RPS6KA2: variants seen among roughly 807,000 people sequenced by gnomAD.
RPS6KA2 encodes the protein ribosomal protein S6 kinase alpha-2.
In RPS6KA2, 42 loss-of-function variants were observed where a neutral mutation model predicts 91.8. That is an observed-to-expected ratio of 0.46 (90% CI 0.36 to 0.59). RPS6KA2 has a LOEUF of 0.59. RPS6KA2 is among the 20% of genes least tolerant of loss of function. The pLI is 0.00. For synonymous variants in RPS6KA2, 414 were observed against 393.6 expected (o/e 1.05, Z -0.61); for missense variants, 798 against 978.5 (o/e 0.82, Z 2.46).
rs532926952 is a variant in RPS6KA2, at chr6:166,554,592, C to T, written c.100-15808G>A. On this transcript the variant is annotated intron_variant, in intron 1 of 20. Transcript: ENST00000265678. The surrounding 1 kb of genome is among the most constrained non-coding windows in gnomAD (Gnocchi z 4.3). ...AGGTCTGATGCGATGTGAGAACTCGCGGCTGGCACGCGGGTGGCCATGGGG... is the reference window on the plus strand; with the variant it reads ...AGGTCTGATGCGATGTGAGAACTCGTGGCTGGCACGCGGGTGGCCATGGGG... Among the ~76,000 whole-genome samples the T allele has an allele frequency of 6.4e-4, 97 of 152,320 alleles. No individual in the cohort carries two copies. The highest frequency in any genetic ancestry group is 2.0e-3 in the African/African-American group (84 of 41,578).
rs1478639100 is a variant in RPS6KA2, at chr6:166,767,781, ACACACACACACAC to A, written c.123+90406_123+90418del. On this transcript the variant is annotated intron_variant, in intron 2 of 21. Coordinates refer to the RPS6KA2 transcript ENST00000503859. The surrounding 1 kb of genome is among the most constrained non-coding windows in gnomAD (Gnocchi z 4.6). ...AAAGACAATACCTCCTCAAACACAC[ACACACACACACAC>A]ACACACACACACACACACACACCCT... 2.7e-4 allele frequency among the ~76,000 whole-genome samples: 17 copies of A among 62,122 alleles called. No individual in the cohort carries two copies. The highest frequency in any genetic ancestry group is 1.3e-3 in the African/African-American group (16 of 11,980). The allele number at this position is 62,122 out of a possible 152,430, so 40.8% of individuals were successfully genotyped here.
At chr6:166,628,607 T>C (rs1786981184), upstream of RPS6KA2, among the ~76,000 whole-genome samples, 1 of 152,258 alleles carries the variant, frequency 6.6e-6, no homozygotes, top group African/African-American at 2.4e-5. Context: ...TCTCTGGGTT[T>C]CCTGGAGACC....
At chr6:166,614,105 T>C (rs77234156) in intron 1 of RPS6KA2, among the ~76,000 whole-genome samples, 2,135 of 152,334 alleles carry the variant, frequency 0.014, 47 homozygotes, top group East Asian at 0.074. Flanking sequence ...ACCTCTTTCA[T>C]TCAGCCCTGC....
chr6:166,764,173 T>A (rs1778244866), intron 2 of RPS6KA2, among the ~76,000 whole-genome samples: 1 of 150,980 alleles, frequency 6.6e-6, no homozygotes, highest in African/African-American at 2.4e-5. Context: ...AGTGAGAGGG[T>A]GAGAGAAATG....
intron 2 of RPS6KA2, among the ~76,000 whole-genome samples, chr6:166,719,040 T>G (rs9295366): frequency 0.56 from 85,555 of 152,178 alleles, 27,268 homozygotes; most frequent in South Asian, 0.82. Flanking sequence ...TTTCTCTACA[T>G]GTACAGGTAG....
At chr6:166,562,277 C>T (rs1309079184) in intron 1 of RPS6KA2, among the ~76,000 whole-genome samples, 1 of 152,186 alleles carries the variant, frequency 6.6e-6, no homozygotes, top group African/African-American at 2.4e-5. Flanking sequence ...GGCGTGATCA[C>T]AGTACCTACC....
chr6:166,751,152 A>G (rs1178603606), intron 2 of RPS6KA2, among the ~76,000 whole-genome samples: 1 of 152,150 alleles, frequency 6.6e-6, no homozygotes, highest in Non-Finnish European at 1.5e-5. Context: ...ATCTTACAGC[A>G]TTACTTCCCC....
chr6:166,574,162 C>A (rs1369180072), intron 1 of RPS6KA2, among the ~76,000 whole-genome samples: 1 of 152,158 alleles, frequency 6.6e-6, no homozygotes, highest in East Asian at 1.9e-4. Flanking sequence ...TTTTTAAATT[C>A]TTTAAAAAAA....
intron 2 of RPS6KA2, among the ~76,000 whole-genome samples, chr6:166,771,900 T>C (rs1778481539): frequency 6.6e-6 from 1 of 152,162 alleles, no homozygotes. Context: ...CCAGCGATTC[T>C]TCCCTGAGAG....
At chr6:166,598,833 C>T (rs1269187369) in intron 1 of RPS6KA2, among the ~76,000 whole-genome samples, 1 of 152,228 alleles carries the variant, frequency 6.6e-6, no homozygotes, top group African/African-American at 2.4e-5. Flanking sequence ...TCCCTTCTTT[C>T]CTGCCTCCAT....
At chr6:166,836,771 TTCGAATTGTTAA>T (rs570902020) in intron 2 of RPS6KA2, among the ~76,000 whole-genome samples, 1 of 152,194 alleles carries the variant, frequency 6.6e-6, no homozygotes, top group Non-Finnish European at 1.5e-5. Context: ...GGTATGTGTC[TTCGAATTGTTAA>T]TCAAATACTG....
chr6:166,511,050 T>A (rs1281286214), intron 3 of RPS6KA2, among the ~76,000 whole-genome samples: 2 of 152,132 alleles, frequency 1.3e-5, no homozygotes, highest in Non-Finnish European at 2.9e-5. Flanking sequence ...GGCTAAATGA[T>A]TTTGGTCACC....
At position 166,494,798 on chromosome 6, in the gene RPS6KA2, C is replaced by T. The variant is rs1781725218; in HGVS notation, c.747+3710G>A. 6.6e-6 allele frequency among the ~76,000 whole-genome samples: 1 copy of T among 152,170 alleles called. No individual in the cohort carries two copies. Among genetic ancestry groups the T allele is most frequent in the Non-Finnish European group, 1.5e-5 (1 of 68,020 alleles). ...AAGAGATCCCAGCACACATCCACCT[C>T]CAGGGGACGGACGGCCACCCACACA... is the stretch of plus-strand genomic sequence containing the variant. On this transcript the variant is annotated intron_variant, in intron 8 of 20. Transcript: ENST00000265678. The surrounding 1 kb of genome is among the most constrained non-coding windows in gnomAD (Gnocchi z 5.1).
intron 10 of RPS6KA2, among the ~76,000 whole-genome samples, chr6:166,482,406 C>T (rs1326981311): frequency 1.2e-4 from 18 of 152,238 alleles, no homozygotes; most frequent in Admixed American, 1.2e-3. Flanking sequence ...AGAGATGCCA[C>T]CCTTTCCTTT....
chr6:166,819,959 C>T (rs1779863533), intron 2 of RPS6KA2, among the ~76,000 whole-genome samples: 1 of 151,962 alleles, frequency 6.6e-6, no homozygotes, highest in Admixed American at 6.6e-5. Flanking sequence ...ACTTTTCTAC[C>T]CCAAGGGCAC....
intron 10 of RPS6KA2, among the ~76,000 whole-genome samples, chr6:166,482,650 T>C (rs141030573): frequency 4.3e-4 from 65 of 152,162 alleles, no homozygotes; most frequent in African/African-American, 1.4e-3. Context: ...AGGAAACGAG[T>C]GTGACCCTCT....
intron 1 of RPS6KA2, among the ~76,000 whole-genome samples, chr6:166,572,430 A>G (rs114408535): frequency 1.0e-3 from 158 of 152,384 alleles, no homozygotes; most frequent in African/African-American, 3.8e-3. Flanking sequence ...GTGGCCTCTC[A>G]GGCTGGCTAA....
chr6:166,454,566 AGTCT>A (rs1337244094), intron 12 of RPS6KA2, among the ~76,000 whole-genome samples: 2 of 152,154 alleles, frequency 1.3e-5, no homozygotes, highest in African/African-American at 2.4e-5. Context: ...ATGTAGAAAA[AGTCT>A]GTTTCAGTGA....
intron 2 of RPS6KA2, among the ~76,000 whole-genome samples, chr6:166,836,668 A>T (rs1009000274): frequency 1.3e-5 from 2 of 152,038 alleles, no homozygotes; most frequent in African/African-American, 4.8e-5. Flanking sequence ...TAGATCTCTC[A>T]TCATATTTAT....
Sources: gnomAD v4.1 joint callset for allele counts (sites outside exome capture counted in the v4.1 genomes callset) on GRCh38, gnomAD v4.1.1 for gene constraint, Gnocchi (gnomAD v3.1) non-coding constraint, MANE v1.5 for transcripts, NCBI Gene and HGNC (gene_info 2026-07-23, HGNC 2026-07-21) for gene names.